TTC17: variants seen among roughly 807,000 people sequenced by gnomAD.
TTC17 encodes the protein tetratricopeptide repeat domain 17, also known as tetratricopeptide repeat protein 17.
TTC17 carries 58 observed loss-of-function variants against 143.8 expected under a neutral mutation model. The observed-to-expected ratio is 0.40, with a 90% CI of 0.33 to 0.50. The LOEUF (loss-of-function observed/expected upper bound fraction) is 0.50. Ranked by LOEUF, TTC17 falls within the 20% of genes least tolerant of loss-of-function variation. The probability of loss-of-function intolerance (pLI) is 0.49; values close to 1 mark genes in which losing one functional copy is unlikely to be tolerated. For synonymous variants in TTC17, 501 were observed against 497.8 expected, an observed-to-expected ratio of 1.01 and a Z score of -0.09; for missense variants, 1,273 against 1,392.5, an observed-to-expected ratio of 0.91 and a Z score of 1.37.
At chr11:43,399,042 T>C (rs1198422823) in intron 8 of TTC17, among the ~76,000 whole-genome samples, 1 of 152,250 alleles carries the variant, frequency 6.6e-6, no homozygotes, top group Non-Finnish European at 1.5e-5. Flanking sequence ...ATGGGTTTTC[T>C]GATTAAATGT....
chr11:43,449,831 G>A, intron 19 of TTC17: 2 of 419,230 alleles, frequency 4.8e-6, no homozygotes, highest in Non-Finnish European at 8.5e-6. Flanking sequence ...TTTCTGTGGG[G>A]AGGAATGTGC....
At chr11:43,481,841 G>A (rs1308356214) in intron 21 of TTC17, among the ~76,000 whole-genome samples, 5 of 152,044 alleles carry the variant, frequency 3.3e-5, no homozygotes, top group East Asian at 3.9e-4. Context: ...ACAGAGTCTC[G>A]CTCTGTCGCC....
intron 9 of TTC17, 128 bp from the exon 10 acceptor site, chr11:43,401,318 C>T: frequency 7.3e-6 from 4 of 549,178 alleles, no homozygotes; most frequent in South Asian, 4.8e-5. Context: ...TATATAAGTA[C>T]GTCCTACGTA....
chr11:43,398,945 A>G (rs1009028949), intron 8 of TTC17, among the ~76,000 whole-genome samples: 3 of 152,216 alleles, frequency 2.0e-5, no homozygotes, highest in African/African-American at 7.2e-5. Context: ...TTCCAGTATC[A>G]TGCTCTTAAT....
chr11:43,359,393 C>T (rs950832442), intron 1 of TTC17: 11 of 406,598 alleles, frequency 2.7e-5, no homozygotes, highest in Non-Finnish European at 3.9e-5. Context: ...GGGAGACGGG[C>T]CCTACGGACC....
rs560621131 is a variant in TTC17 at position 43,429,009 on chromosome 11, C to A, written c.2251+14233C>A. 9.9e-5 allele frequency among the ~76,000 whole-genome samples: 15 copies of A among 152,226 alleles called. No individual in the cohort carries two copies. The East Asian group carries it at 2.9e-3, about 30-fold the overall frequency. Reference sequence around the variant, plus strand: ...TTCAGCAGTAATTACTGAATGAGAACAAGTCTAAGGAGCCATTATTTCTGT... The same window carrying A: ...TTCAGCAGTAATTACTGAATGAGAAAAAGTCTAAGGAGCCATTATTTCTGT... On this transcript the variant is annotated intron_variant, in intron 16 of 23. Transcript: ENST00000039989.
At chr11:43,450,752 A>T (rs1373188880) in intron 20 of TTC17, among the ~76,000 whole-genome samples, 1 of 152,208 alleles carries the variant, frequency 6.6e-6, no homozygotes, top group Non-Finnish European at 1.5e-5. Flanking sequence ...AAATTTTCAC[A>T]ATATATAATG....
intron 16 of TTC17, among the ~76,000 whole-genome samples, chr11:43,427,509 C>T (rs1947056805): frequency 6.6e-6 from 1 of 152,192 alleles, no homozygotes; most frequent in Admixed American, 6.5e-5. Context: ...TACATACATC[C>T]TGCTTTGCTA....
intron 21 of TTC17, 30 bp from the exon 22 acceptor site, chr11:43,490,209 A>G (rs1273370191): frequency 1.9e-6 from 3 of 1,592,766 alleles, no homozygotes; most frequent in East Asian, 4.5e-5. Flanking sequence ...TCTTGAAAGG[A>G]CACCAGCCTT....
chr11:43,414,789 C>A lies in TTC17; in HGVS notation c.2251+13C>A, dbSNP rs540043616. 39 of 1,607,344 alleles carry A rather than the reference C, an allele frequency of 2.4e-5. No individual in the cohort carries two copies. In the South Asian group the frequency reaches 3.8e-4, roughly 16 times the overall value. On this transcript the variant is annotated intron_variant, in intron 16 of 23. Coordinates refer to ENST00000039989, the MANE Select transcript of TTC17 (RefSeq NM_018259.6). ...TCTGTTTGCAGTGGTAAGCAGCTTT[C>A]AAATGCTGACAAACTAATGAGCTCA... is the stretch of plus-strand genomic sequence containing the variant.
chr11:43,447,936 G>A (rs540268788), intron 18 of TTC17, 66 bp from the exon 19 acceptor site: 1 of 1,578,248 alleles, frequency 6.3e-7, no homozygotes, highest in African/African-American at 1.4e-5. Flanking sequence ...TAATCACCAG[G>A]GCATAAGGCC....
chr11:43,411,805 G>C (rs1171779623), intron 15 of TTC17, among the ~76,000 whole-genome samples: 17 of 152,152 alleles, frequency 1.1e-4, no homozygotes, highest in Admixed American at 1.1e-3. Flanking sequence ...GAATTACTAA[G>C]TAATAGTTTG....
intron 18 of TTC17, chr11:43,446,747 T>TTA: frequency 1.1e-6 from 1 of 874,006 alleles, no homozygotes; most frequent in African/African-American, 1.8e-5. Flanking sequence ...GCCTATTCCA[T>TTA]TATAACTCCT....
chr11:43,409,693 T>C (rs551451848), intron 15 of TTC17, among the ~76,000 whole-genome samples: 9 of 152,344 alleles, frequency 5.9e-5, no homozygotes, highest in African/African-American at 2.2e-4. Flanking sequence ...CTCAGGGAGA[T>C]TGGCCACAGG....
At chr11:43,444,849 A>T (rs1474514833) in intron 18 of TTC17, among the ~76,000 whole-genome samples, 1 of 152,072 alleles carries the variant, frequency 6.6e-6, no homozygotes, top group Non-Finnish European at 1.5e-5. Flanking sequence ...TTGATTATCA[A>T]ATTGTTTTTA....
chr11:43,429,294 T>C (rs1304940957), intron 16 of TTC17, among the ~76,000 whole-genome samples: 1 of 152,212 alleles, frequency 6.6e-6, no homozygotes, highest in African/African-American at 2.4e-5. Flanking sequence ...GTTTGTACAG[T>C]AAGGCTGCAG....
chr11:43,470,430 CAT>C (rs1308413210), intron 21 of TTC17, among the ~76,000 whole-genome samples: 1 of 152,188 alleles, frequency 6.6e-6, no homozygotes, highest in Admixed American at 6.5e-5. Flanking sequence ...GCCTCATGAG[CAT>C]AGAGTCCTGG....
intron 15 of TTC17, among the ~76,000 whole-genome samples, chr11:43,413,818 C>T (rs953943878): frequency 2.0e-5 from 3 of 152,056 alleles, no homozygotes; most frequent in Non-Finnish European, 4.4e-5. Context: ...ACTGACAATA[C>T]AGAGTCTCTG....
intron 19 of TTC17, 30 bp downstream of exon 19, chr11:43,448,152 T>C: frequency 6.2e-7 from 1 of 1,612,514 alleles, no homozygotes; most frequent in Non-Finnish European, 8.5e-7. Flanking sequence ...CCCTCCTTTA[T>C]GGCATTTGAG....
Sources: gnomAD v4.1 joint callset for allele counts (sites outside exome capture counted in the v4.1 genomes callset) on GRCh38, gnomAD v4.1.1 for gene constraint, MANE v1.5 for transcripts, NCBI Gene and HGNC (gene_info 2026-07-23, HGNC 2026-07-21) for gene names.